The following GRID1 variants were observed in gnomAD, a reference collection of about 807,000 sequenced individuals.
GRID1 encodes glutamate receptor ionotropic, delta-1.
Under a neutral mutation model 98.0 loss-of-function variants are expected in GRID1, and 28 were observed. The ratio of observed to expected loss-of-function variants is 0.29; its 90% CI spans 0.21 to 0.39. GRID1 has a LOEUF of 0.39. Among genes scored for constraint, GRID1 ranks in the 10% least tolerant of loss-of-function variants. The pLI, the probability that GRID1 is intolerant of heterozygous loss-of-function variation, is 1.00. For synonymous variants in GRID1, 553 were observed against 538.5 expected, an observed-to-expected ratio of 1.03 and a Z score of -0.37; for missense variants, 1,111 against 1,340.5, an observed-to-expected ratio of 0.83 and a Z score of 2.67.
intron 8 of GRID1, among the ~76,000 whole-genome samples, chr10:85,803,282 C>T (rs979873338): frequency 2.0e-5 from 3 of 152,164 alleles, no homozygotes; most frequent in Non-Finnish European, 4.4e-5. Flanking sequence ...AGGATGGATA[C>T]ATTCCCCATG....
intron 12 of GRID1, among the ~76,000 whole-genome samples, chr10:85,699,160 C>A (rs1841425602): frequency 1.3e-5 from 2 of 152,090 alleles, no homozygotes; most frequent in South Asian, 4.2e-4. Context: ...TCAAGCAATT[C>A]TCCTGCCTCA....
chr10:86,059,567 T>C (rs1843621445), intron 4 of GRID1, among the ~76,000 whole-genome samples: 1 of 152,238 alleles, frequency 6.6e-6, no homozygotes, highest in Non-Finnish European at 1.5e-5. Flanking sequence ...TTCAAATTCC[T>C]GACAAACTCT....
At chr10:86,058,875 A>G (rs1456118392) in intron 4 of GRID1, among the ~76,000 whole-genome samples, 4 of 152,232 alleles carry the variant, frequency 2.6e-5, no homozygotes, top group Admixed American at 2.0e-4. Flanking sequence ...GGACACATGC[A>G]TCAATCAAAT....
At chr10:86,160,293 C>T (rs1005927538) in intron 3 of GRID1, among the ~76,000 whole-genome samples, 2 of 152,180 alleles carry the variant, frequency 1.3e-5, no homozygotes, top group Non-Finnish European at 2.9e-5. Context: ...CACCAAAGCA[C>T]AAATTTCATT....
chr10:86,264,841 C>G (rs375694024), intron 2 of GRID1: 1 of 451,694 alleles, frequency 2.2e-6, no homozygotes, highest in Non-Finnish European at 4.6e-6. Flanking sequence ...GCCCTGCAGA[C>G]GAGGAAGCCC....
At chr10:86,105,579 G>T (rs572725312) in intron 4 of GRID1, among the ~76,000 whole-genome samples, 2 of 152,140 alleles carry the variant, frequency 1.3e-5, no homozygotes, top group Admixed American at 1.3e-4. Context: ...AGAGCCCTAG[G>T]GGCCAGCTGC....
intron 3 of GRID1, among the ~76,000 whole-genome samples, chr10:86,152,605 G>A (rs964680621): frequency 2.0e-5 from 3 of 152,260 alleles, no homozygotes; most frequent in Admixed American, 1.3e-4. Context: ...TGCCACAGGG[G>A]AGGTGGACTC....
intron 13 of GRID1, among the ~76,000 whole-genome samples, chr10:85,639,046 G>C (rs759071812): frequency 6.6e-5 from 10 of 152,170 alleles, no homozygotes; most frequent in Non-Finnish European, 7.4e-5. Context: ...GTTTCATAAT[G>C]ACCCAGGAAT....
chr10:85,762,628 A>G (rs1315870786), intron 8 of GRID1, among the ~76,000 whole-genome samples: 1 of 152,170 alleles, frequency 6.6e-6, no homozygotes, highest in Non-Finnish European at 1.5e-5. Context: ...AGAGAGGGCA[A>G]AAGGCTGCCA....
intron 4 of GRID1, among the ~76,000 whole-genome samples, chr10:86,025,023 C>T (rs377270850): frequency 1.9e-4 from 29 of 152,212 alleles, no homozygotes; most frequent in East Asian, 9.6e-4. Flanking sequence ...CAACCACACA[C>T]ATGGTTTGAA....
intron 2 of GRID1, among the ~76,000 whole-genome samples, chr10:86,351,269 T>G (rs987384223): frequency 5.0e-4 from 76 of 152,160 alleles, no homozygotes; most frequent in Non-Finnish European, 9.9e-4. Context: ...ACGGTGTATG[T>G]GGATAGAAAA....
chr10:86,256,164 C>T lies in GRID1; in HGVS notation c.236-49516G>A, dbSNP rs550286559. On this transcript the variant is annotated intron_variant, in intron 2 of 15. Transcript: ENST00000327946. ...GAAGGGTGACTCCATGGGCCCCTAC[C>T]CAATAGCTCCAACTCCTAGGAACTC... 6.6e-5 allele frequency among the ~76,000 whole-genome samples: 10 copies of T among 152,278 alleles called. No homozygotes were observed. In the South Asian group the frequency reaches 1.9e-3, roughly 28 times the overall value.
chr10:85,986,496 C>T (rs1842610237), intron 4 of GRID1, among the ~76,000 whole-genome samples: 1 of 152,218 alleles, frequency 6.6e-6, no homozygotes, highest in Non-Finnish European at 1.5e-5. Context: ...GGAAGAGCAT[C>T]ACGTAACAAT....
At chr10:86,150,234 G>C (rs758569145) in intron 3 of GRID1, among the ~76,000 whole-genome samples, 6 of 152,224 alleles carry the variant, frequency 3.9e-5, no homozygotes, top group Admixed American at 6.5e-5. Context: ...CCCAGTGAGA[G>C]GCTCGCCTCC....
intron 4 of GRID1, among the ~76,000 whole-genome samples, chr10:86,086,518 C>A (rs999574458): frequency 6.6e-6 from 1 of 152,164 alleles, no homozygotes; most frequent in Non-Finnish European, 1.5e-5. Context: ...AGATAGTCAG[C>A]GACAGGGCTG....
chr10:85,898,357 A>G (rs1250337357), intron 5 of GRID1, among the ~76,000 whole-genome samples: 1 of 152,190 alleles, frequency 6.6e-6, no homozygotes, highest in Non-Finnish European at 1.5e-5. Flanking sequence ...ACATTACTGT[A>G]CACTACTATA....
intron 4 of GRID1, among the ~76,000 whole-genome samples, chr10:86,125,698 C>T (rs1048539781): frequency 1.1e-4 from 16 of 152,088 alleles, no homozygotes; most frequent in African/African-American, 3.6e-4. Context: ...CCATCTCTCC[C>T]GCCTCGGCCA....
intron 13 of GRID1, chr10:85,646,713 T>A (rs1378413883): frequency 5.9e-6 from 1 of 170,558 alleles, no homozygotes; most frequent in Non-Finnish European, 1.3e-5. Context: ...ACAACTCTTC[T>A]CACAGTACGG....
At chr10:85,907,271 C>T (rs1203616770) in intron 5 of GRID1, among the ~76,000 whole-genome samples, 2 of 152,164 alleles carry the variant, frequency 1.3e-5, no homozygotes, top group East Asian at 3.8e-4. Flanking sequence ...ATCACCACAC[C>T]TGGCTAATTT....
Sources: allele counts gnomAD v4.1 joint callset (sites outside exome capture counted in the v4.1 genomes callset), GRCh38; gene constraint gnomAD v4.1.1; transcripts MANE v1.5; gene names NCBI Gene and HGNC (gene_info 2026-07-23, HGNC 2026-07-21).